OGA: variants seen among roughly 807,000 people sequenced by gnomAD.
OGA encodes the protein protein O-GlcNAcase.
In OGA, 21 loss-of-function variants were observed where a neutral mutation model predicts 102.0. That is an observed-to-expected ratio of 0.21 (90% confidence interval 0.15 to 0.30). The LOEUF is 0.30. OGA is among the 10% of genes least tolerant of loss of function. The probability of loss-of-function intolerance (pLI) is 1.00; values close to 1 mark genes in which losing one functional copy is unlikely to be tolerated. For synonymous variants in OGA, 408 were observed against 378.2 expected (o/e 1.08, Z -0.91); for missense variants, 765 against 1,107.8 (o/e 0.69, Z 4.39).
rs183001288 is a variant in OGA, at chr10:101,800,375, G to A, written c.1062C>T (p.Ser354=). The change falls in exon 8 of 16, where the codon TCC becomes TCT. Residue 354 remains serine, a synonymous_variant. Coordinates refer to ENST00000361464, the MANE Select transcript of OGA (RefSeq NM_012215.5). ...CTTCATTTTCTAATTTTATCTGGAT[G>A]GACACAGTACTATCTTCACTGTCAG... The part of the protein sequence containing the change: ...VMTDSEDSTV[S]IQIKLENEGS... The A allele has an allele frequency of 6.2e-7, 1 of 1,613,058 alleles. No individual in the cohort carries two copies. Among genetic ancestry groups the A allele is most frequent in the African/African-American group, 1.3e-5 (1 of 74,976 alleles).
chr10:101,796,595 G>C (rs2065319742), intron 10 of OGA, among the ~76,000 whole-genome samples: 1 of 149,692 alleles, frequency 6.7e-6, no homozygotes, highest in South Asian at 2.1e-4. Context: ...TTTTGAGATG[G>C]AGTCTCCCTC....
chr10:101,800,259 A>G lies in OGA; in HGVS notation c.1178T>C (p.Val393Ala). 6.2e-7 allele frequency: 1 copy of G among 1,614,112 alleles called. No homozygotes were observed. The highest frequency in any genetic ancestry group is 8.5e-7 in the Non-Finnish European group (1 of 1,179,964). ...AAACTCACTGCTGTATTGATGAGGC[A>G]CACCAAACTCTTGCAACCATTCTGT... ...ALTEWLQEFG[V>A]PHQYSSRQVA... The change falls in exon 8 of 16, where the codon GTG (valine) becomes GCG (alanine). Residue 393 changes from valine (V) to alanine (A), a missense_variant. Physicochemically the swap from Val to Ala is moderately conservative, Grantham distance 64. Coordinates refer to ENST00000361464, the MANE Select transcript of OGA (RefSeq NM_012215.5).
chr10:101,799,580 AAATT>A, intron 8 of OGA, 125 bp from the exon 9 acceptor site: 1 of 1,026,048 alleles, frequency 9.7e-7, no homozygotes, highest in Non-Finnish European at 1.4e-6. Flanking sequence ...TTTTAGATCC[AAATT>A]AATTTGACCT....
At chr10:101,795,836 A>G in intron 10 of OGA, 1 of 850,806 alleles carries the variant, frequency 1.2e-6, no homozygotes, top group Non-Finnish European at 1.4e-6. Flanking sequence ...AAAACTCACA[A>G]TGTTTTAAGA....
chr10:101,802,786 C>CT (rs1249874314), intron 7 of OGA, among the ~76,000 whole-genome samples: 1 of 151,554 alleles, frequency 6.6e-6, no homozygotes, highest in Non-Finnish European at 1.5e-5. Context: ...ACTTAGAACT[C>CT]TATTAATTAG....
chr10:101,802,096 G>A (rs2065400317), intron 7 of OGA, among the ~76,000 whole-genome samples: 1 of 152,082 alleles, frequency 6.6e-6, no homozygotes, highest in African/African-American at 2.4e-5. Flanking sequence ...AATGAGCCAA[G>A]ATCGCGCCAC....
chr10:101,800,581 T>A (rs2065376118), intron 7 of OGA, among the ~76,000 whole-genome samples, 181 bp from the exon 8 acceptor site: 1 of 152,122 alleles, frequency 6.6e-6, no homozygotes, highest in Non-Finnish European at 1.5e-5. Context: ...AACCACTTCA[T>A]ATAGGATAGT....
chr10:101,818,087 G>T lies in OGA; in HGVS notation c.-65C>A. 1 of 1,462,242 alleles carries T rather than the reference G, an allele frequency of 6.8e-7. No homozygotes were observed. The allele number at this position is 1,462,242 out of a possible 1,614,324, so 90.6% of individuals were successfully genotyped here. A position where few individuals can be genotyped will look rare whatever the true frequency, so the allele number is the denominator to read the frequency against. On this transcript the variant is annotated 5_prime_UTR_variant, in exon 1 of 16. Transcript: ENST00000361464. ...TCGACCTCTGTCCGTTGGGGCACCG[G>T]CCCGGAGCCCTGGAGAGGGCTTCAG...
rs2065496591 is a variant in OGA at position 101,807,903 on chromosome 10, T to C, written c.481-2A>G. On this transcript the variant is annotated splice_acceptor_variant, in intron 4 of 15. Coordinates refer to ENST00000361464, the MANE Select transcript of OGA (RefSeq NM_012215.5). LOFTEE classifies it high-confidence loss of function. Reference sequence around the variant, plus strand: ...TGATCTGCACCCAAACTGAGAAACCTAGGAGAAAAAAAAAAAAAAGAATCA... The same window carrying C: ...TGATCTGCACCCAAACTGAGAAACCCAGGAGAAAAAAAAAAAAAAGAATCA... 2 of 1,438,394 alleles carry C rather than the reference T, an allele frequency of 1.4e-6. No individual in the cohort carries two copies. Among genetic ancestry groups the C allele is most frequent in the African/African-American group, 1.6e-5 (1 of 63,316 alleles). The allele number at this position is 1,438,394 out of a possible 1,614,324, so 89.1% of individuals were successfully genotyped here. A position where few individuals can be genotyped will look rare whatever the true frequency, so the allele number is the denominator to read the frequency against.
chr10:101,786,267 C>T lies in OGA; in HGVS notation c.*184G>A, dbSNP rs1226251498. 1 of 521,850 alleles carries T rather than the reference C, an allele frequency of 1.9e-6. No individual in the cohort carries two copies. The highest frequency in any genetic ancestry group is 3.5e-5 in the East Asian group (1 of 28,798). 32.3% of individuals were successfully genotyped at this position (521,850 alleles called of 1,614,324 possible). On this transcript the variant is annotated 3_prime_UTR_variant, in exon 16 of 16. Transcript: ENST00000361464. ...CTTTCATACAGGATTTGCTGCAATACTATATTCTTCCAACCAGTGAGTAGT... is the reference window on the plus strand; with the variant it reads ...CTTTCATACAGGATTTGCTGCAATATTATATTCTTCCAACCAGTGAGTAGT...
At chr10:101,807,532 C>A (rs1181864924) in intron 5 of OGA, among the ~76,000 whole-genome samples, 198 bp downstream of exon 5, 1 of 152,134 alleles carries the variant, frequency 6.6e-6, no homozygotes, top group African/African-American at 2.4e-5. Context: ...ACATAAAAAT[C>A]TTTTGCCTAG....
chr10:101,792,848 A>C lies in OGA; in HGVS notation c.2166T>G (p.Pro722=). 6.3e-7 allele frequency: 1 copy of C among 1,597,742 alleles called. No individual in the cohort carries two copies. The highest frequency in any genetic ancestry group is 8.6e-7 in the Non-Finnish European group (1 of 1,165,126). Residue 722 remains proline, a synonymous_variant, in exon 12 of 16, where the codon CCT becomes CCG. Transcript: ENST00000361464. ...SKVYTIRPYF[P]KDEASVYKIC... The stretch of plus-strand genomic sequence containing the variant: ...GTAGAGAGACAATTACCTCATCCTT[A>C]GGAAAATAAGGTCTGATAGTATAAA...
chr10:101,799,291 C>T lies in OGA; in HGVS notation c.1360G>A (p.Glu454Lys), dbSNP rs751728085. 70 of 1,613,960 alleles carry T rather than the reference C, an allele frequency of 4.3e-5. No individual in the cohort carries two copies. Among genetic ancestry groups the T allele is most frequent in the South Asian group, 1.2e-4 (11 of 91,080 alleles). Residue 454 changes from glutamate to lysine, a missense_variant, in exon 9 of 16, where the codon GAA becomes AAA. By Grantham distance (56) the Glu-to-Lys change is moderately conservative. Coordinates refer to ENST00000361464, the MANE Select transcript of OGA (RefSeq NM_012215.5). Reference sequence around the variant, plus strand: ...TCATCAGGCTGTTTCTTTTCTTCTTCCTTGGTCAGAGTAGTAGGCTCACCA... The same window carrying T: ...TCATCAGGCTGTTTCTTTTCTTCTTTCTTGGTCAGAGTAGTAGGCTCACCA... ...LSGEPTTLTK[E>K]EEKKQPDEEP...
chr10:101,794,107 A>C, intron 10 of OGA, 109 bp from the exon 11 acceptor site: 2 of 723,270 alleles, frequency 2.8e-6, no homozygotes, highest in South Asian at 3.6e-5. Flanking sequence ...CTCTAACAAT[A>C]ATCAGGGTTT....
At chr10:101,813,277 A>T (rs576903151) in intron 2 of OGA, 150 bp from the exon 3 acceptor site, 18 of 627,770 alleles carry the variant, frequency 2.9e-5, no homozygotes, top group South Asian at 1.3e-4. Flanking sequence ...AGTGGAATTT[A>T]AAAAAATTAA....
intron 1 of OGA, among the ~76,000 whole-genome samples, chr10:101,813,970 A>G (rs552283806): frequency 9.8e-4 from 149 of 152,122 alleles, no homozygotes; most frequent in African/African-American, 3.5e-3. Context: ...GAACGGCAGC[A>G]ATGTAATACA....
rs1449996962 is a variant in OGA, at chr10:101,810,187, G to T, written c.477C>A (p.Asp159Glu). The change falls in exon 4 of 16, where the codon GAC (aspartate) becomes GAA (glutamate). Residue 159 changes from aspartate (D) to glutamate (E), a missense_variant. Coordinates refer to ENST00000361464, the MANE Select transcript of OGA (RefSeq NM_012215.5). ...TGAATAAAAAGTAAGGAGTTACCTG[G>T]TCCAATTTACGTTTCAATGTGGATA... ...KEVSTLKRKLDQVSQFGCRSF... is the reference protein window; with the variant it reads ...KEVSTLKRKLEQVSQFGCRSF... 6.2e-7 allele frequency: 1 copy of T among 1,609,288 alleles called. No homozygotes were observed. Among genetic ancestry groups the T allele is most frequent in the Non-Finnish European group, 8.5e-7 (1 of 1,177,970 alleles).
rs1303235878 is a variant in OGA at position 101,792,951 on chromosome 10, A to G, written c.2071-8T>C. 3.7e-6 allele frequency: 6 copies of G among 1,606,036 alleles called. No homozygotes were observed. The highest frequency in any genetic ancestry group is 1.7e-5 in the Admixed American group (1 of 59,956). ...ATCAATTGGCAGCAAACGCTGTGGG[A>G]AGAAAAAAAAGGAGATGGATTAGTT... is the stretch of plus-strand genomic sequence containing the variant. On this transcript the variant is annotated splice_region_variant and splice_polypyrimidine_tract_variant and intron_variant, in intron 11 of 15. Coordinates refer to ENST00000361464, the MANE Select transcript of OGA (RefSeq NM_012215.5).
At chr10:101,787,750 C>T (rs1006800257) in intron 14 of OGA, 2 of 486,120 alleles carry the variant, frequency 4.1e-6, no homozygotes, top group African/African-American at 1.9e-5. Context: ...TTCTCCCTCG[C>T]GTGCACGCGC....
Sources: gnomAD v4.1 joint callset for allele counts (sites outside exome capture counted in the v4.1 genomes callset) on GRCh38, gnomAD v4.1.1 for gene constraint, MANE v1.5 for transcripts, NCBI Gene and HGNC (gene_info 2026-07-23, HGNC 2026-07-21) for gene names.